The following GRM5 variants were observed in gnomAD, a reference collection of about 807,000 sequenced individuals.
GRM5 encodes the protein glutamate metabotropic receptor 5, also known as metabotropic glutamate receptor 5.
In GRM5, 19 loss-of-function variants were observed where a neutral mutation model predicts 83.1. The observed-to-expected ratio is 0.23, with a 90% CI of 0.16 to 0.34. GRM5 has a LOEUF of 0.34. Ranked by LOEUF, GRM5 falls within the 10% of genes least tolerant of loss-of-function variation. The pLI, the probability that GRM5 is intolerant of heterozygous loss-of-function variation, is 1.00. For missense variants in GRM5, 1,160 were observed against 1,588.3 expected, an observed-to-expected ratio of 0.73 and a Z score of 4.58; for synonymous variants, 675 against 633.6, an observed-to-expected ratio of 1.07 and a Z score of -0.98.
chr11:88,739,749 T>C (rs1476761335), intron 3 of GRM5, among the ~76,000 whole-genome samples: 1 of 152,062 alleles, frequency 6.6e-6, no homozygotes, highest in Non-Finnish European at 1.5e-5. Flanking sequence ...TACATCATGA[T>C]TGTCGGTTTC....
intron 2 of GRM5, among the ~76,000 whole-genome samples, chr11:88,936,893 T>C (rs927696992): frequency 2.0e-5 from 3 of 151,766 alleles, no homozygotes; most frequent in African/African-American, 4.8e-5. Context: ...GTTTATGAAA[T>C]AGTAATCACT....
At chr11:88,626,305 C>T (rs915666165) in intron 4 of GRM5, among the ~76,000 whole-genome samples, 5 of 152,164 alleles carry the variant, frequency 3.3e-5, no homozygotes, top group African/African-American at 9.7e-5. Flanking sequence ...TAGAATTTCA[C>T]AGATGTAAAA....
chr11:88,789,413 A>G lies in GRM5; in HGVS notation c.911+60493T>C, dbSNP rs115858289. ...AGAAAACTTTAAGTGAAAATTTAAG[A>G]ATGAATTATTTCGGTAAGGCTTATC... On this transcript the variant is annotated intron_variant, in intron 3 of 9. Transcript: ENST00000305447. 9.0e-3 allele frequency among the ~76,000 whole-genome samples: 1,369 copies of G among 152,330 alleles called. 27 individuals carry two copies. The highest frequency in any genetic ancestry group is 0.032 in the African/African-American group (1,317 of 41,586).
intron 3 of GRM5, among the ~76,000 whole-genome samples, chr11:88,724,030 A>G (rs1440675798): frequency 6.6e-6 from 1 of 152,144 alleles, no homozygotes; most frequent in Admixed American, 6.6e-5. Context: ...AAAAATGAAA[A>G]TCCAAATTTA....
chr11:89,029,104 C>T (rs113615373), intron 2 of GRM5, among the ~76,000 whole-genome samples: 18 of 152,304 alleles, frequency 1.2e-4, no homozygotes, highest in African/African-American at 3.8e-4. Flanking sequence ...CTGCAAAGGA[C>T]GTGAACTCAT....
At chr11:89,026,388 T>C (rs1463748652) in intron 2 of GRM5, among the ~76,000 whole-genome samples, 1 of 152,196 alleles carries the variant, frequency 6.6e-6, no homozygotes, top group African/African-American at 2.4e-5. Flanking sequence ...GTTGACTCCA[T>C]GAGTAGAATT....
At chr11:88,919,083 A>T (rs1356572243) in intron 2 of GRM5, among the ~76,000 whole-genome samples, 1 of 149,952 alleles carries the variant, frequency 6.7e-6, no homozygotes, top group Admixed American at 6.7e-5. Context: ...TAAACACTCC[A>T]ATAAAAAAAA....
intron 2 of GRM5, among the ~76,000 whole-genome samples, chr11:88,979,406 C>CAT (rs1404983835): frequency 6.6e-6 from 1 of 152,204 alleles, no homozygotes; most frequent in East Asian, 1.9e-4. Context: ...CTCTAACTTA[C>CAT]ATATTAATAC....
At chr11:88,585,500 A>G (rs1238051627) in intron 7 of GRM5, among the ~76,000 whole-genome samples, 1 of 152,156 alleles carries the variant, frequency 6.6e-6, no homozygotes, top group African/African-American at 2.4e-5. Context: ...AGGCTCCCCA[A>G]AAGGTGGCCT....
intron 8 of GRM5, among the ~76,000 whole-genome samples, chr11:88,553,984 A>G (rs1942567967): frequency 6.6e-6 from 1 of 152,146 alleles, no homozygotes; most frequent in East Asian, 1.9e-4. Flanking sequence ...TCCAGATCTT[A>G]TGAAGGGTGT....
chr11:89,025,161 C>T (rs2135115560), intron 2 of GRM5, among the ~76,000 whole-genome samples: 1 of 152,228 alleles, frequency 6.6e-6, no homozygotes, highest in Admixed American at 6.5e-5. Flanking sequence ...ATGTTATGAA[C>T]CATCCTTTTC....
intron 2 of GRM5, among the ~76,000 whole-genome samples, chr11:88,872,900 C>A (rs1944793143): frequency 1.3e-5 from 2 of 149,228 alleles, no homozygotes; most frequent in African/African-American, 4.9e-5. Context: ...ATTCTTCAAT[C>A]AAAATAAAAC....
At position 88,780,783 on chromosome 11, in the gene GRM5, T is replaced by G. The variant is rs1942959632; in HGVS notation, c.911+69123A>C. On this transcript the variant is annotated intron_variant, in intron 3 of 9. Transcript: ENST00000305447. ...CCCCTACATCAGCCTCCCAAAGTGC[T>G]GGAATTACAGTCACGAGCCACCATG... 2.0e-5 allele frequency among the ~76,000 whole-genome samples: 3 copies of G among 152,132 alleles called. No individual in the cohort carries two copies. In the South Asian group the frequency reaches 6.2e-4, roughly 32 times the overall value.
At chr11:88,523,600 A>G (rs1349553280) in intron 9 of GRM5, among the ~76,000 whole-genome samples, 1 of 152,206 alleles carries the variant, frequency 6.6e-6, no homozygotes, top group Non-Finnish European at 1.5e-5. Context: ...GCATAAGGCC[A>G]TCAGATACAC....
At chr11:88,638,655 G>A (rs1211742696) in intron 4 of GRM5, among the ~76,000 whole-genome samples, 1 of 152,048 alleles carries the variant, frequency 6.6e-6, no homozygotes, top group Non-Finnish European at 1.5e-5. Context: ...TATAAATTCA[G>A]TTTAACAAAT....
chr11:88,578,861 A>G (rs556950221), intron 7 of GRM5, among the ~76,000 whole-genome samples: 2 of 152,090 alleles, frequency 1.3e-5, no homozygotes, highest in Non-Finnish European at 2.9e-5. Context: ...GTTTGAAAAA[A>G]AAAAGACAGT....
intron 7 of GRM5, among the ~76,000 whole-genome samples, chr11:88,589,784 A>G (rs115635243): frequency 6.6e-6 from 1 of 152,158 alleles, no homozygotes; most frequent in African/African-American, 2.4e-5. Flanking sequence ...ATTATATTGT[A>G]ATCATATTTT....
intron 2 of GRM5, among the ~76,000 whole-genome samples, chr11:89,040,992 T>A (rs556305192): frequency 1.3e-5 from 2 of 152,332 alleles, no homozygotes; most frequent in South Asian, 2.1e-4. Context: ...AACATAAACA[T>A]CTCACAGCAT....
intron 3 of GRM5, among the ~76,000 whole-genome samples, chr11:88,745,380 A>ATT (rs35158314): frequency 6.6e-6 from 1 of 150,846 alleles, no homozygotes; most frequent in East Asian, 2.0e-4. Flanking sequence ...CTAATATTGT[A>ATT]TTTTTTGTAG....
Sources: allele counts gnomAD v4.1 joint callset (sites outside exome capture counted in the v4.1 genomes callset), GRCh38; gene constraint gnomAD v4.1.1; transcripts MANE v1.5; gene names NCBI Gene and HGNC (gene_info 2026-07-23, HGNC 2026-07-21).